The following NEDD4L variants were observed in gnomAD, a reference collection of about 807,000 sequenced individuals.
NEDD4L encodes E3 ubiquitin-protein ligase NEDD4-like.
In NEDD4L, 54 loss-of-function variants were observed where a neutral mutation model predicts 148.9. The observed-to-expected ratio is 0.36, with a 90% CI of 0.29 to 0.45. NEDD4L has a LOEUF of 0.45. Ranked by LOEUF, NEDD4L falls within the 20% of genes least tolerant of loss-of-function variation. The pLI is 1.00. For missense variants in NEDD4L, 856 were observed against 1,233.8 expected, an observed-to-expected ratio of 0.69 and a Z score of 4.59; for synonymous variants, 433 against 440.7, an observed-to-expected ratio of 0.98 and a Z score of 0.22.
At chr18:58,192,556 A>G (rs2040226113) in intron 2 of NEDD4L, among the ~76,000 whole-genome samples, 1 of 152,216 alleles carries the variant, frequency 6.6e-6, no homozygotes, top group Admixed American at 6.5e-5. Context: ...GCCTTTCAAC[A>G]GTTTACCACT....
chr18:58,284,243 C>T (rs1475356499), intron 5 of NEDD4L, among the ~76,000 whole-genome samples: 1 of 152,180 alleles, frequency 6.6e-6, no homozygotes, highest in African/African-American at 2.4e-5. Context: ...GCAAGGAGAA[C>T]CACTTGGGAA....
At position 58,127,675 on chromosome 18, in the gene NEDD4L, C is replaced by T. The variant is rs377100449; in HGVS notation, c.49-38113C>T. Among the ~76,000 whole-genome samples, 38 of 152,114 alleles carry T rather than the reference C, an allele frequency of 2.5e-4. No homozygotes were observed. The East Asian group carries it at 3.7e-3, about 15-fold the overall frequency. Reference sequence around the variant, plus strand: ...CTAACACAGTGAAACCCCATCTCTACTAAAAAATACCAAAAATTAGCTGGG... The same window carrying T: ...CTAACACAGTGAAACCCCATCTCTATTAAAAAATACCAAAAATTAGCTGGG... On this transcript the variant is annotated intron_variant, in intron 1 of 30. Transcript: ENST00000400345.
intron 16 of NEDD4L, among the ~76,000 whole-genome samples, chr18:58,343,317 GGACTGCC>G (rs2042658700): frequency 6.6e-6 from 1 of 152,106 alleles, no homozygotes; most frequent in African/African-American, 2.4e-5. Flanking sequence ...ATTGGTGCTG[GGACTGCC>G]TTTTCTCCTG....
intron 2 of NEDD4L, chr18:58,195,661 C>A: frequency 2.2e-6 from 3 of 1,351,838 alleles, no homozygotes; most frequent in Non-Finnish European, 2.0e-6. Context: ...TTAGGGGAAA[C>A]AGACCATCTG....
intron 1 of NEDD4L, among the ~76,000 whole-genome samples, chr18:58,066,399 T>G (rs1257820173): frequency 6.7e-6 from 1 of 148,900 alleles, no homozygotes; most frequent in African/African-American, 2.4e-5. Context: ...TTTTTTTTTT[T>G]TTTTTTTTTT....
At chr18:58,222,741 A>G (rs2043906780) in intron 2 of NEDD4L, among the ~76,000 whole-genome samples, 1 of 152,228 alleles carries the variant, frequency 6.6e-6, no homozygotes. Context: ...TTCTAAAGAC[A>G]ATAAAAATGT....
chr18:58,277,403 G>C (rs140362190), intron 5 of NEDD4L, among the ~76,000 whole-genome samples: 4 of 152,316 alleles, frequency 2.6e-5, no homozygotes, highest in Non-Finnish European at 5.9e-5. Context: ...TATAGTCCCA[G>C]ATGAGTGCTT....
intron 1 of NEDD4L, among the ~76,000 whole-genome samples, chr18:58,082,919 A>G (rs1030730830): frequency 6.6e-6 from 1 of 152,166 alleles, no homozygotes; most frequent in Non-Finnish European, 1.5e-5. Context: ...CTGTATTACA[A>G]ATAAGGTGAT....
intron 2 of NEDD4L, among the ~76,000 whole-genome samples, chr18:58,199,750 T>A (rs2041187483): frequency 6.6e-6 from 1 of 152,250 alleles, no homozygotes; most frequent in African/African-American, 2.4e-5. Flanking sequence ...GGCCTGAATT[T>A]GTTATTAGCT....
At chr18:58,234,093 C>CTTTCTTTCTT (rs2045634581) in intron 2 of NEDD4L, among the ~76,000 whole-genome samples, 1 of 101,642 alleles carries the variant, frequency 9.8e-6, no homozygotes, top group South Asian at 3.4e-4. Flanking sequence ...TTCTTTCTTT[C>CTTTCTTTCTT]TTTCTTTCTT....
At chr18:58,188,530 T>C (rs1266450112) in intron 2 of NEDD4L, among the ~76,000 whole-genome samples, 2 of 152,218 alleles carry the variant, frequency 1.3e-5, no homozygotes, top group South Asian at 2.1e-4. Context: ...AGGACTAGCC[T>C]TGGGGCTCCT....
Position 58,323,250 on chromosome 18 carries a change from G to A in NEDD4L, c.429G>A (p.Lys143=), listed in dbSNP as rs754988137. 5.0e-6 allele frequency: 8 copies of A among 1,601,942 alleles called. 1 individual carries two copies. The Admixed American group carries it at 1.4e-4, about 27-fold the overall frequency. Residue 143 remains lysine, a synonymous_variant, in exon 8 of 31, where the codon AAG becomes AAA. Coordinates refer to ENST00000400345, the MANE Select transcript of NEDD4L (RefSeq NM_001144967.3). ...LRPRSHKSRV[K]GFLRLKMAYM... The stretch of plus-strand genomic sequence containing the variant: ...TGTGCAGTCATAAGTCTCGAGTTAA[G>A]GGATTTTTGCGATTGAAAATGGCCT...
intron 2 of NEDD4L, among the ~76,000 whole-genome samples, chr18:58,227,410 G>A (rs139608915): frequency 7.9e-5 from 12 of 152,208 alleles, no homozygotes; most frequent in African/African-American, 2.9e-4. Flanking sequence ...TTTGGTCAGT[G>A]TGGAGGCTGT....
At chr18:58,339,833 A>G (rs933768397) in intron 13 of NEDD4L, among the ~76,000 whole-genome samples, 1 of 152,172 alleles carries the variant, frequency 6.6e-6, no homozygotes, top group Non-Finnish European at 1.5e-5. Flanking sequence ...CCAGGTGACC[A>G]CCTTCACCAA....
At chr18:58,210,035 C>T (rs537648989) in intron 2 of NEDD4L, among the ~76,000 whole-genome samples, 1 of 152,126 alleles carries the variant, frequency 6.6e-6, no homozygotes, top group East Asian at 1.9e-4. Flanking sequence ...GGCATGGTGG[C>T]TTATGCCTGT....
chr18:58,049,940 C>T (rs1204904345), intron 1 of NEDD4L, among the ~76,000 whole-genome samples: 14 of 141,198 alleles, frequency 9.9e-5, no homozygotes, highest in Admixed American at 8.2e-4. Context: ...CATGCCACTG[C>T]ACTCTAGCCT....
intron 1 of NEDD4L, 147 bp downstream of exon 1, chr18:58,044,855 C>T: frequency 3.0e-6 from 3 of 1,000,594 alleles, no homozygotes; most frequent in Non-Finnish European, 4.2e-6. Flanking sequence ...GAGCGGGATC[C>T]AGGGGAGCTT....
chr18:58,119,838 G>C (rs2086107468), intron 1 of NEDD4L, among the ~76,000 whole-genome samples: 1 of 152,196 alleles, frequency 6.6e-6, no homozygotes, highest in Admixed American at 6.5e-5. Flanking sequence ...GTCGGGGGCT[G>C]GCAGGCCTGG....
intron 9 of NEDD4L, 95 bp downstream of exon 9, chr18:58,325,257 CAT>C: frequency 7.0e-7 from 1 of 1,433,406 alleles, no homozygotes; most frequent in Non-Finnish European, 9.7e-7. Flanking sequence ...GGAAATAAAT[CAT>C]ATGTCTATAA....
Sources: allele counts gnomAD v4.1 joint callset (sites outside exome capture counted in the v4.1 genomes callset), GRCh38; gene constraint gnomAD v4.1.1; transcripts MANE v1.5; gene names NCBI Gene and HGNC (gene_info 2026-07-23, HGNC 2026-07-21).